Variants in MAML3 observed in about 807,000 individuals in gnomAD.
The protein encoded by MAML3 is mastermind-like protein 3.
Under a neutral mutation model 101.9 loss-of-function variants are expected in MAML3, and 27 were observed. That is an observed-to-expected ratio of 0.27 (90% CI 0.20 to 0.37). MAML3 has a LOEUF of 0.37. Among genes scored for constraint, MAML3 ranks in the 10% least tolerant of loss-of-function variants. The probability of loss-of-function intolerance (pLI) is 1.00; values close to 1 mark genes in which losing one functional copy is unlikely to be tolerated. For synonymous variants in MAML3, 501 were observed against 555.9 expected (o/e 0.90, Z 1.39); for missense variants, 1,316 against 1,444.9 (o/e 0.91, Z 1.45).
At position 139,890,805 on chromosome 4, in the gene MAML3, G is replaced by T; in HGVS notation, c.631C>A (p.Pro211Thr). The part of the protein sequence containing the change: ...EAINNLPSNM[P>T]LPSASPLHQL... ...TGAAGAGGAGAAGCTGAAGGCAGTG[G>T]CATGTTACTGGGCAAATTGTTGATG... Residue 211 changes from proline to threonine, a missense_variant, in exon 2 of 5, where the codon CCA becomes ACA. Transcript: ENST00000509479. This position sits in a 1 kb window ranked among gnomAD's most constrained non-coding sequence, Gnocchi z 4.1. The T allele has an allele frequency of 3.1e-6, 5 of 1,614,046 alleles. No homozygotes were observed. Among genetic ancestry groups the T allele is most frequent in the Non-Finnish European group, 4.2e-6 (5 of 1,179,884 alleles).
chr4:140,081,748 A>C (rs1403870034), intron 1 of MAML3, among the ~76,000 whole-genome samples: 1 of 152,210 alleles, frequency 6.6e-6, no homozygotes, highest in Non-Finnish European at 1.5e-5. Flanking sequence ...CTCACACTGC[A>C]CAACACCAGA....
chr4:139,835,276 T>G (rs974198504), intron 2 of MAML3, among the ~76,000 whole-genome samples: 1 of 152,244 alleles, frequency 6.6e-6, no homozygotes, highest in Non-Finnish European at 1.5e-5. Context: ...TGTCCCAAGT[T>G]GGTAGTGAAT....
intron 2 of MAML3, among the ~76,000 whole-genome samples, chr4:139,734,957 GTTCTTC>G (rs1728875502): frequency 6.6e-6 from 1 of 152,244 alleles, no homozygotes; most frequent in Non-Finnish European, 1.5e-5. Context: ...AGCAGCTGCC[GTTCTTC>G]CCGCGCCCCA....
intron 1 of MAML3, among the ~76,000 whole-genome samples, chr4:140,061,386 G>A (rs1015329753): frequency 6.6e-6 from 1 of 152,162 alleles, no homozygotes; most frequent in African/African-American, 2.4e-5. Flanking sequence ...AAAACATACT[G>A]CCTCTGATAC....
intron 1 of MAML3, among the ~76,000 whole-genome samples, chr4:139,977,198 G>A (rs1203392560): frequency 1.3e-5 from 2 of 152,104 alleles, no homozygotes; most frequent in African/African-American, 4.8e-5. Flanking sequence ...GCAGAACTGT[G>A]AGAAATAAAT....
chr4:139,738,777 A>C (rs1036044734), intron 2 of MAML3, among the ~76,000 whole-genome samples: 14 of 152,120 alleles, frequency 9.2e-5, no homozygotes, highest in African/African-American at 3.4e-4. Context: ...GCTAACACTC[A>C]TTTTTTACAC....
At chr4:139,824,787 A>G (rs944087272) in intron 2 of MAML3, among the ~76,000 whole-genome samples, 5 of 152,140 alleles carry the variant, frequency 3.3e-5, no homozygotes, top group African/African-American at 1.2e-4. Context: ...AGGCCCTTCA[A>G]GCTGTGTAAC....
At chr4:140,019,136 C>CA (rs889527720) in intron 1 of MAML3, among the ~76,000 whole-genome samples, 1 of 151,566 alleles carries the variant, frequency 6.6e-6, no homozygotes, top group Non-Finnish European at 1.5e-5. Context: ...GAACTACTTT[C>CA]AGTTCCCCTA....
chr4:140,143,438 A>G (rs1729007388), intron 1 of MAML3, among the ~76,000 whole-genome samples: 1 of 152,110 alleles, frequency 6.6e-6, no homozygotes, highest in African/African-American at 2.4e-5. Context: ...ACGTATACTA[A>G]CTCATTGATC....
At chr4:140,119,527 T>C (rs1310012567) in intron 1 of MAML3, among the ~76,000 whole-genome samples, 2 of 152,114 alleles carry the variant, frequency 1.3e-5, no homozygotes, top group African/African-American at 4.8e-5. Context: ...GGAGAGACAT[T>C]TTGGGATACA....
In MAML3 at chr4:139,905,491, C is replaced by CA. The variant is rs57898254; in HGVS notation, c.469-14525dup. Among the ~76,000 whole-genome samples, 96 of 79,966 alleles carry CA rather than the reference C, an allele frequency of 1.2e-3. 3 individuals are homozygous for CA. The highest frequency in any genetic ancestry group is 6.0e-3 in the East Asian group (19 of 3,182). 52.5% of individuals were successfully genotyped at this position (79,966 alleles called of 152,430 possible). On this transcript the variant is annotated intron_variant, in intron 1 of 4. Coordinates refer to ENST00000509479, the MANE Select transcript of MAML3 (RefSeq NM_018717.5). ...CGGGCGGCAGAGCAAGACTCTGTCTCAAAAAAAAAAAAAAAAATCAGTTAA... is the reference window on the plus strand; with the variant it reads ...CGGGCGGCAGAGCAAGACTCTGTCTCAAAAAAAAAAAAAAAAAATCAGTTAA...
At chr4:140,151,774 A>T (rs1429699808) in intron 1 of MAML3, among the ~76,000 whole-genome samples, 1 of 151,522 alleles carries the variant, frequency 6.6e-6, no homozygotes, top group Non-Finnish European at 1.5e-5. Context: ...GAGGGGAGAT[A>T]AGAGAAAGGA....
chr4:140,126,940 A>T (rs1161175956), intron 1 of MAML3, among the ~76,000 whole-genome samples: 1 of 151,968 alleles, frequency 6.6e-6, no homozygotes, highest in Non-Finnish European at 1.5e-5. Context: ...CCCACTACTC[A>T]CCTACTTGAA....
At chr4:139,808,879 G>A (rs1344020108) in intron 2 of MAML3, among the ~76,000 whole-genome samples, 1 of 152,184 alleles carries the variant, frequency 6.6e-6, no homozygotes, top group East Asian at 1.9e-4. Context: ...GTGTGCGTGT[G>A]GGTGAATGTA....
rs1174200889 is a variant in MAML3, at chr4:139,902,247, G to GCACACGCACA, written c.469-11290_469-11281dup. Among the ~76,000 whole-genome samples, 940 of 100,096 alleles carry GCACACGCACA rather than the reference G, an allele frequency of 9.4e-3. 11 individuals carry two copies. Among genetic ancestry groups the GCACACGCACA allele is most frequent in the African/African-American group, 0.029 (912 of 31,902 alleles). 65.7% of individuals were successfully genotyped at this position (100,096 alleles called of 152,430 possible). A position where few individuals can be genotyped will look rare whatever the true frequency, so the allele number is the denominator to read the frequency against. ...CCTGGACACACACGCAGGCGCGCACGCACACGCACACACACGCACACACAC... is the reference window on the plus strand; with the variant it reads ...CCTGGACACACACGCAGGCGCGCACGCACACGCACACACACGCACACACACGCACACACAC... On this transcript the variant is annotated intron_variant, in intron 1 of 4. Coordinates refer to ENST00000509479, the MANE Select transcript of MAML3 (RefSeq NM_018717.5).
chr4:140,037,319 G>GT (rs1468683751), intron 1 of MAML3, among the ~76,000 whole-genome samples: 1 of 151,738 alleles, frequency 6.6e-6, no homozygotes, highest in Non-Finnish European at 1.5e-5. Flanking sequence ...CTCAGGTTAG[G>GT]TTTTAACACG....
chr4:140,119,626 C>CCTTCCTCCCTTT (rs1261286793), intron 1 of MAML3, among the ~76,000 whole-genome samples: 1 of 128,830 alleles, frequency 7.8e-6, no homozygotes, highest in African/African-American at 2.8e-5. Context: ...TTCCTCCCTT[C>CCTTCCTCCCTTT]CTTTTTTTTT....
At chr4:140,073,079 G>C (rs886448253) in intron 1 of MAML3, among the ~76,000 whole-genome samples, 10 of 151,876 alleles carry the variant, frequency 6.6e-5, no homozygotes, top group African/African-American at 1.9e-4. Flanking sequence ...ATCTATGGGA[G>C]AACTGGAAAT....
At chr4:139,837,648 TGTG>T in intron 2 of MAML3, among the ~76,000 whole-genome samples, 1 of 149,776 alleles carries the variant, frequency 6.7e-6, no homozygotes, top group East Asian at 2.1e-4. Flanking sequence ...GGCCAGGCAC[TGTG>T]GCTCATGCCC....
Sources: gnomAD v4.1 joint callset for allele counts (sites outside exome capture counted in the v4.1 genomes callset) on GRCh38, gnomAD v4.1.1 for gene constraint, Gnocchi (gnomAD v3.1) non-coding constraint, MANE v1.5 for transcripts, NCBI Gene and HGNC (gene_info 2026-07-23, HGNC 2026-07-21) for gene names.